ZC3H12B: variants seen among roughly 807,000 people sequenced by gnomAD.
The protein encoded by ZC3H12B is probable ribonuclease ZC3H12B.
In ZC3H12B, 7 loss-of-function variants were observed where a neutral mutation model predicts 43.9. The observed-to-expected ratio is 0.16, with a 90% CI of 0.09 to 0.30. ZC3H12B has a LOEUF of 0.30. Ranked by LOEUF, ZC3H12B falls within the 10% of genes least tolerant of loss-of-function variation. The pLI is 1.00. For synonymous variants in ZC3H12B, 222 were observed against 241.7 expected (o/e 0.92, Z 0.76); for missense variants, 475 against 670.2 (o/e 0.71, Z 3.22).
chrX:65,370,357 T>C (rs2066228698), intron 2 of ZC3H12B, among the ~76,000 whole-genome samples: 1 of 111,678 alleles, frequency 9.0e-6, no homozygotes, highest in Non-Finnish European at 1.9e-5. Context: ...AGTTTGGCTA[T>C]TAATTTACTC....
chrX:65,159,231 G>T, the ZC3H12B span, among the ~76,000 whole-genome samples: 1 of 111,705 alleles, frequency 9.0e-6, no homozygotes, highest in African/African-American at 3.3e-5. Flanking sequence ...TGTTCTTTTG[G>T]CTTAGCATTG....
chrX:65,119,214 G>A, the ZC3H12B span, among the ~76,000 whole-genome samples: 1 of 111,478 alleles, frequency 9.0e-6, no homozygotes, highest in African/African-American at 3.3e-5. Flanking sequence ...AGATCCCTGA[G>A]GAATCGCCAC....
chrX:65,106,704 A>T, the ZC3H12B span, among the ~76,000 whole-genome samples: 1 of 111,427 alleles, frequency 9.0e-6, no homozygotes, highest in East Asian at 2.8e-4. Context: ...AGGAAAAAAC[A>T]CATGGGAAGG....
chrX:65,233,422 A>G, the ZC3H12B span, among the ~76,000 whole-genome samples: 1 of 111,449 alleles, frequency 9.0e-6, no homozygotes, highest in Non-Finnish European at 1.9e-5. Context: ...ATGGAATAAA[A>G]CTACAAATCA....
At chrX:65,395,417 GGGCTGTTGA>G (rs2066683438) in intron 2 of ZC3H12B, among the ~76,000 whole-genome samples, 2 of 112,068 alleles carry the variant, frequency 1.8e-5, no homozygotes, top group South Asian at 7.4e-4. Context: ...TTAGCATGAA[GGGCTGTTGA>G]ATTTTGTCAA....
At chrX:65,482,593 T>G (rs1343062209) in intron 3 of ZC3H12B, among the ~76,000 whole-genome samples, 1 of 112,465 alleles carries the variant, frequency 8.9e-6, no homozygotes, top group African/African-American at 3.2e-5. Context: ...ATAGTAAGTA[T>G]GTAACCTACA....
At chrX:65,182,715 CACAA>C in the ZC3H12B span, among the ~76,000 whole-genome samples, 2 of 102,321 alleles carry the variant, frequency 2.0e-5, no homozygotes, top group South Asian at 4.0e-4. Context: ...TTGTCAGTTT[CACAA>C]ACAAAAAAAA....
the ZC3H12B span, among the ~76,000 whole-genome samples, chrX:65,327,296 G>T: frequency 2.7e-5 from 3 of 110,778 alleles, no homozygotes; most frequent in Admixed American, 2.9e-4. Context: ...TCTACATATC[G>T]ATATATAGAT....
At chrX:65,292,517 T>C in the ZC3H12B span, among the ~76,000 whole-genome samples, 1 of 111,189 alleles carries the variant, frequency 9.0e-6, no homozygotes, top group Non-Finnish European at 1.9e-5. Context: ...TAATGGATGC[T>C]GGGCTGAATA....
the ZC3H12B span, among the ~76,000 whole-genome samples, chrX:65,133,517 T>C: frequency 9.0e-6 from 1 of 111,237 alleles, no homozygotes; most frequent in Non-Finnish European, 1.9e-5. Flanking sequence ...AGAGGTCGGA[T>C]AAAGAAAAAG....
chrX:65,360,575 A>G, the ZC3H12B span, among the ~76,000 whole-genome samples: 32 of 112,150 alleles, frequency 2.9e-4, no homozygotes, highest in African/African-American at 9.4e-4. Flanking sequence ...GAGCAATTAG[A>G]ACTCCTACAA....
At chrX:65,361,499 C>T in the ZC3H12B span, among the ~76,000 whole-genome samples, 82 of 112,211 alleles carry the variant, frequency 7.3e-4, no homozygotes, top group Admixed American at 4.7e-4. Flanking sequence ...ACAAATAACA[C>T]ATGTAAGTAA....
the ZC3H12B span, among the ~76,000 whole-genome samples, chrX:65,343,328 A>T: frequency 8.9e-6 from 1 of 112,206 alleles, no homozygotes; most frequent in Non-Finnish European, 1.9e-5. Flanking sequence ...TCATTCTATG[A>T]GGACAGCATC....
chrX:65,275,189 C>G, the ZC3H12B span, among the ~76,000 whole-genome samples: 1 of 112,798 alleles, frequency 8.9e-6, no homozygotes, highest in Non-Finnish European at 1.9e-5. Flanking sequence ...AGAAAAACAA[C>G]CCTCTGTTCA....
chrX:65,448,957 A>AAGAAAGAAAGAAAGAAAGAAAAAGAAAG (rs2067423710), intron 3 of ZC3H12B, among the ~76,000 whole-genome samples: 1 of 88,225 alleles, frequency 1.1e-5, no homozygotes, highest in Admixed American at 1.1e-4. Context: ...AAGAAAGAAA[A>AAGAAAGAAAGAAAGAAAGAAAAAGAAAG]AGAAAGAAAG....
the ZC3H12B span, among the ~76,000 whole-genome samples, chrX:65,071,140 T>C: frequency 9.0e-6 from 1 of 110,550 alleles, no homozygotes; most frequent in African/African-American, 3.3e-5. Flanking sequence ...TGCACCTGTG[T>C]TAGGTGTGTA....
chrX:65,412,675 C>T (rs2066917265), intron 3 of ZC3H12B, among the ~76,000 whole-genome samples: 1 of 110,986 alleles, frequency 9.0e-6, no homozygotes. Flanking sequence ...ACCATGCTAC[C>T]CAGGCTGGTC....
chrX:65,448,386 A>G (rs1387650254), intron 3 of ZC3H12B, among the ~76,000 whole-genome samples: 1 of 112,394 alleles, frequency 8.9e-6, no homozygotes, highest in Non-Finnish European at 1.9e-5. Flanking sequence ...CAATCCCACT[A>G]CAGGGTATCT....
At chrX:65,262,969 T>G in the ZC3H12B span, among the ~76,000 whole-genome samples, 544 of 110,893 alleles carry the variant, frequency 4.9e-3, 2 homozygotes, top group Non-Finnish European at 8.9e-3. Flanking sequence ...AAATATTACA[T>G]AGTGGTTGAG....
Sources: gnomAD v4.1 joint callset for allele counts (sites outside exome capture counted in the v4.1 genomes callset) on GRCh38, gnomAD v4.1.1 for gene constraint, MANE v1.5 for transcripts, NCBI Gene and HGNC (gene_info 2026-07-23, HGNC 2026-07-21) for gene names.